BRDT: variants seen among roughly 807,000 people sequenced by gnomAD.
BRDT encodes bromodomain testis-specific protein.
In BRDT, 77 loss-of-function variants were observed where a neutral mutation model predicts 113.9. That is an observed-to-expected ratio of 0.68 (90% CI 0.56 to 0.82). The LOEUF is 0.82. Ranked by LOEUF, BRDT falls within the 40% of genes least tolerant of loss-of-function variation. BRDT has a pLI of 0.00. For synonymous variants in BRDT, 358 were observed against 366.5 expected, an observed-to-expected ratio of 0.98 and a Z score of 0.26; for missense variants, 1,027 against 1,105.4, an observed-to-expected ratio of 0.93 and a Z score of 1.01.
At chr1:91,991,851 G>C (rs1226971230) in intron 13 of BRDT, among the ~76,000 whole-genome samples, 1 of 62,554 alleles carries the variant, frequency 1.6e-5, no homozygotes, top group East Asian at 3.5e-4. Context: ...AATTAGCCGG[G>C]CATGGCGCCA....
At chr1:91,966,121 T>G (rs1295813204) in intron 3 of BRDT, among the ~76,000 whole-genome samples, 1 of 152,168 alleles carries the variant, frequency 6.6e-6, no homozygotes, top group Non-Finnish European at 1.5e-5. Context: ...ATCTTCATAT[T>G]GGCTCTCATC....
Position 92,007,947 on chromosome 1 carries a change from C to T in BRDT, c.2775+2648C>T, listed in dbSNP as rs545070299. On this transcript the variant is annotated intron_variant, in intron 18 of 18. Coordinates refer to ENST00000399546, the MANE Select transcript of BRDT (RefSeq NM_207189.4). ...TTCGTTTATTTTTGAGGTGGAGTTT[C>T]GCTCTTGTCGCCCAGCCTGGAATGC... Among the ~76,000 whole-genome samples the T allele has an allele frequency of 1.1e-4, 16 of 151,964 alleles. No homozygotes were observed. In the South Asian group the frequency reaches 2.7e-3, roughly 26 times the overall value.
chr1:92,006,769 T>C (rs1687350438), intron 18 of BRDT, among the ~76,000 whole-genome samples: 1 of 151,844 alleles, frequency 6.6e-6, no homozygotes, highest in South Asian at 2.1e-4. Flanking sequence ...GCCCAGCCTG[T>C]TTTTTATTTT....
At chr1:91,980,327 TC>T (rs1684595329) in intron 8 of BRDT, among the ~76,000 whole-genome samples, 3 of 73,190 alleles carry the variant, frequency 4.1e-5, no homozygotes, top group Admixed American at 1.5e-4. Context: ...ACCACCGCAC[TC>T]CCACCTGGGT....
chr1:91,981,889 C>T (rs1684766407), intron 12 of BRDT, 134 bp downstream of exon 12: 1 of 1,206,760 alleles, frequency 8.3e-7, no homozygotes, highest in Non-Finnish European at 1.1e-6. Flanking sequence ...TATTTAATTG[C>T]ATGTTGACAA....
chr1:91,965,300 A>G (rs1682942704), intron 3 of BRDT, among the ~76,000 whole-genome samples: 1 of 152,126 alleles, frequency 6.6e-6, no homozygotes, highest in Non-Finnish European at 1.5e-5. Flanking sequence ...TCTATTTGCT[A>G]TAATATTTTT....
rs7531181 is a variant in BRDT, at chr1:91,958,034, A to G, written c.-37-4684A>G. Among the ~76,000 whole-genome samples, 1,337 of 152,114 alleles carry G rather than the reference A, an allele frequency of 8.8e-3. 10 individuals carry two copies. The highest frequency in any genetic ancestry group is 0.031 in the African/African-American group (1,291 of 41,514). On this transcript the variant is annotated intron_variant, in intron 1 of 18. Transcript: ENST00000399546. ...TTTGTATTTTTATCAGAGACAGGGA[A>G]GTCTCACCATGTTGGCCAGGCTGGT...
chr1:91,983,848 A>AT, intron 12 of BRDT, among the ~76,000 whole-genome samples: 1 of 151,844 alleles, frequency 6.6e-6, no homozygotes, highest in South Asian at 2.1e-4. Flanking sequence ...CACCCAGCTC[A>AT]TTTTTGTATT....
rs776556036 is a variant in BRDT, at chr1:91,977,240, A to G, written c.816A>G (p.Gln272=). The change falls in exon 6 of 19, where the codon CAA becomes CAG. Residue 272 remains glutamine (Q), a synonymous_variant. Coordinates refer to ENST00000399546, the MANE Select transcript of BRDT (RefSeq NM_207189.4). ...TGAAGACTGTTAAAGTAACTGAACA[A>G]TTAAGGCACTGTAGTGAGATTCTTA... ...NVVKTVKVTE[Q]LRHCSEILKE... 6.2e-7 allele frequency: 1 copy of G among 1,614,084 alleles called. No individual in the cohort carries two copies. Among genetic ancestry groups the G allele is most frequent in the South Asian group, 1.1e-5 (1 of 91,072 alleles).
At chr1:91,993,940 A>G (rs1404047968) in intron 14 of BRDT, 143 bp from the exon 15 acceptor site, 1 of 698,158 alleles carries the variant, frequency 1.4e-6, no homozygotes. Flanking sequence ...ATAACTATAC[A>G]TTATAGATTT....
intron 4 of BRDT, among the ~76,000 whole-genome samples, chr1:91,974,659 T>C (rs1181987502): frequency 1.3e-5 from 2 of 152,054 alleles, no homozygotes; most frequent in Non-Finnish European, 1.5e-5. Flanking sequence ...TGTGGAGAAA[T>C]AGGAACACTT....
chr1:91,992,909 T>C (rs1335472568), intron 14 of BRDT, among the ~76,000 whole-genome samples: 2 of 151,546 alleles, frequency 1.3e-5, no homozygotes, highest in Non-Finnish European at 1.5e-5. Context: ...GAATAAAAAA[T>C]TATGTCAAGT....
chr1:91,961,397 A>C (rs1232945037), intron 1 of BRDT, among the ~76,000 whole-genome samples: 2 of 152,114 alleles, frequency 1.3e-5, no homozygotes, highest in African/African-American at 2.4e-5. Context: ...TGGGAGGCTG[A>C]GGTGTGTGGA....
At chr1:91,956,460 T>C (rs1681778208) in intron 1 of BRDT, among the ~76,000 whole-genome samples, 1 of 152,210 alleles carries the variant, frequency 6.6e-6, no homozygotes, top group African/African-American at 2.4e-5. Flanking sequence ...ATGGCAGTGT[T>C]CTATATCTGC....
chr1:91,986,148 C>G (rs1685218432), intron 12 of BRDT, among the ~76,000 whole-genome samples: 1 of 152,010 alleles, frequency 6.6e-6, no homozygotes, highest in South Asian at 2.1e-4. Flanking sequence ...TGTAGCCAAG[C>G]CTTGAAAATG....
intron 1 of BRDT, among the ~76,000 whole-genome samples, chr1:91,952,460 C>T (rs560688350): frequency 7.2e-5 from 11 of 151,954 alleles, no homozygotes; most frequent in East Asian, 1.9e-4. Context: ...GCTATGAGTC[C>T]GCTTCAGTAA....
At chr1:92,001,182 C>G (rs1200811606) in intron 15 of BRDT, among the ~76,000 whole-genome samples, 4 of 152,114 alleles carry the variant, frequency 2.6e-5, no homozygotes, top group Non-Finnish European at 5.9e-5. Context: ...ATAGAATTAC[C>G]AGGATTGGCT....
chr1:91,952,648 A>G (rs1570402968), intron 1 of BRDT, among the ~76,000 whole-genome samples: 2 of 152,212 alleles, frequency 1.3e-5, no homozygotes, highest in Middle Eastern at 3.4e-3. Context: ...TGTTGAAGAT[A>G]CAGAAAAGAT....
intron 18 of BRDT, among the ~76,000 whole-genome samples, chr1:92,013,592 C>T (rs1687990284): frequency 6.6e-6 from 1 of 152,094 alleles, no homozygotes; most frequent in Non-Finnish European, 1.5e-5. Context: ...ACATTTGTTT[C>T]CTTTGTCTTA....
Sources: gnomAD v4.1 joint callset for allele counts (sites outside exome capture counted in the v4.1 genomes callset) on GRCh38, gnomAD v4.1.1 for gene constraint, MANE v1.5 for transcripts, NCBI Gene and HGNC (gene_info 2026-07-23, HGNC 2026-07-21) for gene names.